The following ZNF695 variants were observed in gnomAD, a reference collection of about 807,000 sequenced individuals.
ZNF695 encodes zinc finger protein SBZF3.
A neutral mutation model predicts 11.2 loss-of-function variants in ZNF695; 11 were observed. The ratio of observed to expected loss-of-function variants is 0.98; its 90% CI spans 0.62 to 1.62. The LOEUF is 1.62. Ranked by LOEUF, ZNF695 falls within the 40% of genes most tolerant of loss-of-function variation. The pLI is 0.00. For missense variants in ZNF695, 559 were observed against 590.5 expected (o/e 0.95, Z 0.55); for synonymous variants, 190 against 201.4 (o/e 0.94, Z 0.48).
In ZNF695 at chr1:246,985,718, T is replaced by G. The variant is rs1668830327; in HGVS notation, c.*1249A>C. The stretch of plus-strand genomic sequence containing the variant: ...AGGAAAAACAACTGACTTGTAAAAC[T>G]CAAATGTTTCTTTCTTAAATATAAT... On this transcript the variant is annotated 3_prime_UTR_variant, in exon 4 of 4. Transcript: ENST00000339986. The G allele has an allele frequency of 1.0e-6, 1 of 985,206 alleles. No homozygotes were observed. The highest frequency in any genetic ancestry group is 1.7e-5 in the African/African-American group (1 of 57,234). 61.0% of individuals were successfully genotyped at this position (985,206 alleles called of 1,614,324 possible).
chr1:246,980,707 C>T (rs997963015), downstream of ZNF695, among the ~76,000 whole-genome samples: 22 of 152,004 alleles, frequency 1.4e-4, no homozygotes, highest in African/African-American at 5.1e-4. Context: ...AGTGAGCCAC[C>T]GCACCCGGCC....
chr1:246,947,523 A>G (rs1481328545), intron 5 of ZNF695, among the ~76,000 whole-genome samples: 1 of 152,142 alleles, frequency 6.6e-6, no homozygotes, highest in South Asian at 2.1e-4. Context: ...CATTCTAAGC[A>G]CAAGGTCATT....
chr1:246,988,581 C>T (rs1300027730), intron 3 of ZNF695, among the ~76,000 whole-genome samples: 1 of 152,100 alleles, frequency 6.6e-6, no homozygotes, highest in Non-Finnish European at 1.5e-5. Context: ...AACCTTTACC[C>T]TAGAATATTA....
In ZNF695 at chr1:246,988,085, G is replaced by A; in HGVS notation, c.430C>T (p.Leu144Phe). 1 of 1,613,110 alleles carries A rather than the reference G, an allele frequency of 6.2e-7. No individual in the cohort carries two copies. The highest frequency in any genetic ancestry group is 8.5e-7 in the Non-Finnish European group (1 of 1,179,618). ...TGAGTAGTTGCTGAGCATAGGTCAA[G>A]TCCATTATAACTTGCCTTCTGCCCT... ...WKGQKASYNG[L>F]DLCSATTHSK... The change falls in exon 4 of 4, where the codon CTT becomes TTT. Residue 144 changes from leucine to phenylalanine, a missense_variant. By Grantham distance (22) the Leu-to-Phe change is conservative. Transcript: ENST00000339986.
intron 5 of ZNF695, among the ~76,000 whole-genome samples, chr1:246,958,244 G>A (rs931647634): frequency 6.6e-6 from 1 of 151,994 alleles, no homozygotes; most frequent in East Asian, 1.9e-4. Context: ...ATTTTTAGTA[G>A]AGACAGGGTT....
chr1:246,971,558 G>A (rs1372099088), intron 4 of ZNF695, among the ~76,000 whole-genome samples: 2 of 152,120 alleles, frequency 1.3e-5, no homozygotes, highest in Admixed American at 6.5e-5. Flanking sequence ...CCCTCTAGTG[G>A]CCCTGTCTGG....
chr1:246,985,715 A>T lies in ZNF695; in HGVS notation c.*1252T>A. On this transcript the variant is annotated 3_prime_UTR_variant, in exon 4 of 4. Coordinates refer to ENST00000339986, the MANE Select transcript of ZNF695 (RefSeq NM_020394.5). ...AATAGGAAAAACAACTGACTTGTAA[A>T]ACTCAAATGTTTCTTTCTTAAATAT... is the stretch of plus-strand genomic sequence containing the variant. The T allele has an allele frequency of 1.0e-6, 1 of 985,378 alleles. No homozygotes were observed. Among genetic ancestry groups the T allele is most frequent in the Non-Finnish European group, 1.2e-6 (1 of 829,872 alleles). 61.0% of individuals were successfully genotyped at this position (985,378 alleles called of 1,614,324 possible). A position where few individuals can be genotyped will look rare whatever the true frequency, so the allele number is the denominator to read the frequency against.
rs568259160 is a variant in ZNF695 at position 247,007,996 on chromosome 1, C to T, written c.-88G>A. On this transcript the variant is annotated 5_prime_UTR_variant, in exon 1 of 4. Transcript: ENST00000339986. ...GGCGATGGAGCCTGCGGCAGTCACC[C>T]GGGACTCTCCGAGAGGCAGCAGACG... is the stretch of plus-strand genomic sequence containing the variant. 25 of 1,374,140 alleles carry T rather than the reference C, an allele frequency of 1.8e-5. No individual in the cohort carries two copies. The highest frequency in any genetic ancestry group is 2.5e-5 in the Admixed American group (1 of 39,314). 85.1% of individuals were successfully genotyped at this position (1,374,140 alleles called of 1,614,324 possible).
chr1:246,953,841 A>G (rs146343984), intron 5 of ZNF695, among the ~76,000 whole-genome samples: 2,741 of 151,072 alleles, frequency 0.018, 45 homozygotes, highest in African/African-American at 0.043. Context: ...CAGGAGAATC[A>G]CTTGAACCCA....
Position 246,987,987 on chromosome 1 carries a change from T to C in ZNF695, c.528A>G (p.Ile176Met). The C allele has an allele frequency of 6.3e-7, 1 of 1,599,288 alleles. No individual in the cohort carries two copies. The highest frequency in any genetic ancestry group is 8.5e-7 in the Non-Finnish European group (1 of 1,175,448). Residue 176 changes from isoleucine (I) to methionine (M), a missense_variant, in exon 4 of 4, where the codon ATA (isoleucine) becomes ATG (methionine). By Grantham distance (10) the Ile-to-Met change is conservative. Coordinates refer to ENST00000339986, the MANE Select transcript of ZNF695 (RefSeq NM_020394.5). The stretch of plus-strand genomic sequence containing the variant: ...TGAATGGTTTTTCTCCAGTATGGCT[T>C]ATCTTACATTTATTTAGATTTGCAA... ...SKFANLNKCK[I>M]SHTGEKPFKC...
intron 5 of ZNF695, among the ~76,000 whole-genome samples, chr1:246,958,068 T>C (rs1668047153): frequency 6.6e-6 from 1 of 150,980 alleles, no homozygotes; most frequent in Admixed American, 6.6e-5. Flanking sequence ...TTGTTTTTGT[T>C]TTTTTTTTGA....
chr1:246,966,738 T>C, intron 5 of ZNF695: 1 of 455,834 alleles, frequency 2.2e-6, no homozygotes, highest in East Asian at 7.0e-5. Context: ...TGAGCTATGA[T>C]CACATCACTG....
At position 246,987,081 on chromosome 1, in the gene ZNF695, G is replaced by C. The variant is rs1349554541; in HGVS notation, c.1434C>G (p.His478Gln). Residue 478 changes from histidine (H) to glutamine (Q), a missense_variant, in exon 4 of 4, where the codon CAC becomes CAG. By Grantham distance (24) the His-to-Gln change is conservative. Coordinates refer to ENST00000339986, the MANE Select transcript of ZNF695 (RefSeq NM_020394.5). ...TATGAATTGTCTTATGTTTAGAAAG[G>C]TGTGAGCTCTGGCCAAAGGCTTTGC... ...ECGKAFGQSS[H>Q]LSKHKTIHTR... The C allele has an allele frequency of 6.2e-7, 1 of 1,613,414 alleles. No individual in the cohort carries two copies. The highest frequency in any genetic ancestry group is 2.2e-5 in the East Asian group (1 of 44,756).
chr1:246,958,700 C>A (rs1668070796), intron 5 of ZNF695, among the ~76,000 whole-genome samples: 2 of 152,200 alleles, frequency 1.3e-5, no homozygotes, highest in Admixed American at 1.3e-4. Flanking sequence ...GCCATCCATT[C>A]TACGCCTGGT....
At chr1:246,992,674 T>G (rs1159728546) in intron 3 of ZNF695, among the ~76,000 whole-genome samples, 1 of 152,182 alleles carries the variant, frequency 6.6e-6, no homozygotes, top group African/African-American at 2.4e-5. Context: ...ATATATACAC[T>G]ATGCACCCAC....
intron 4 of ZNF695, among the ~76,000 whole-genome samples, chr1:246,970,108 T>C (rs1668387977): frequency 6.6e-6 from 1 of 152,228 alleles, no homozygotes; most frequent in African/African-American, 2.4e-5. Context: ...GCAGCTCTTT[T>C]AACACAGGTG....
chr1:246,957,381 TAAAA>T (rs748363026), intron 5 of ZNF695, among the ~76,000 whole-genome samples: 4 of 129,472 alleles, frequency 3.1e-5, no homozygotes, highest in Non-Finnish European at 6.7e-5. Context: ...AAACTCCGTC[TAAAA>T]AAAAAAAAAA....
intron 1 of ZNF695, among the ~76,000 whole-genome samples, chr1:247,004,398 T>C (rs1262914615): frequency 6.6e-6 from 1 of 151,960 alleles, no homozygotes; most frequent in Non-Finnish European, 1.5e-5. Flanking sequence ...ACATCCTTCA[T>C]TGATTTAAAA....
At chr1:246,960,731 G>T (rs1156901603) in intron 5 of ZNF695, among the ~76,000 whole-genome samples, 1 of 152,118 alleles carries the variant, frequency 6.6e-6, no homozygotes, top group Non-Finnish European at 1.5e-5. Context: ...CTTGAGCCCA[G>T]GAGTTCGCGA....
Sources: allele counts gnomAD v4.1 joint callset (sites outside exome capture counted in the v4.1 genomes callset), GRCh38; gene constraint gnomAD v4.1.1; transcripts MANE v1.5; gene names NCBI Gene and HGNC (gene_info 2026-07-23, HGNC 2026-07-21).